Variants in COL19A1 observed in about 807,000 individuals in gnomAD.
The protein encoded by COL19A1 is collagen alpha-1(XIX) chain.
COL19A1 carries 159 observed loss-of-function variants against 190.2 expected under a neutral mutation model. The observed-to-expected ratio is 0.84, with a 90% confidence interval of 0.73 to 0.95. COL19A1 has a LOEUF of 0.95. Ranked by LOEUF, COL19A1 falls within the 40% of genes least tolerant of loss-of-function variation. The probability of loss-of-function intolerance (pLI) is 0.00; values close to 1 mark genes in which losing one functional copy is unlikely to be tolerated. For synonymous variants in COL19A1, 509 were observed against 458.9 expected (o/e 1.11, Z -1.39); for missense variants, 1,418 against 1,431.9 (o/e 0.99, Z 0.16).
At chr6:69,995,137 A>G (rs916786555) in intron 11 of COL19A1, among the ~76,000 whole-genome samples, 5 of 152,202 alleles carry the variant, frequency 3.3e-5, no homozygotes, top group African/African-American at 1.2e-4. Flanking sequence ...CAAGTTAAAC[A>G]AGGTGGGAGG....
intron 2 of COL19A1, among the ~76,000 whole-genome samples, chr6:69,882,505 A>G (rs1475901416): frequency 1.3e-5 from 2 of 152,224 alleles, no homozygotes; most frequent in South Asian, 2.1e-4. Context: ...AATATAGACT[A>G]TGTATCAAAT....
chr6:69,996,916 TTGTG>T lies in COL19A1; in HGVS notation c.1027-26691_1027-26688del, dbSNP rs200468204. On this transcript the variant is annotated intron_variant, in intron 11 of 50. Transcript: ENST00000620364. ...TACATAATCTCTCTCTCAAAAAGAC[TTGTG>T]TGTGTGTGTGTGTGTGTGTATATAT... Among the ~76,000 whole-genome samples, 1,179 of 146,084 alleles carry T rather than the reference TTGTG, an allele frequency of 8.1e-3. 20 individuals are homozygous for T. Among genetic ancestry groups the T allele is most frequent in the African/African-American group, 0.028 (1,097 of 39,686 alleles).
intron 18 of COL19A1, among the ~76,000 whole-genome samples, chr6:70,132,031 T>C (rs1785555554): frequency 6.6e-6 from 1 of 152,146 alleles, no homozygotes; most frequent in South Asian, 2.1e-4. Flanking sequence ...CTTGATGCAG[T>C]ACATGATATA....
intron 17 of COL19A1, among the ~76,000 whole-genome samples, chr6:70,126,999 A>G (rs376152286): frequency 6.6e-6 from 1 of 152,344 alleles, no homozygotes; most frequent in South Asian, 2.1e-4. Flanking sequence ...ATGATTAGAG[A>G]TTACTGGCTC....
chr6:70,106,014 GA>G (rs1166882638), intron 16 of COL19A1, among the ~76,000 whole-genome samples: 1 of 152,086 alleles, frequency 6.6e-6, no homozygotes, highest in East Asian at 1.9e-4. Context: ...CAGGAGGCAT[GA>G]TTTTTTTATT....
At chr6:70,141,390 A>T (rs773295508) in intron 20 of COL19A1, among the ~76,000 whole-genome samples, 5 of 152,138 alleles carry the variant, frequency 3.3e-5, no homozygotes, top group Non-Finnish European at 7.4e-5. Context: ...CAGAAAATTT[A>T]AAAAGCAAAC....
At chr6:70,043,587 C>T (rs1311473745) in intron 14 of COL19A1, among the ~76,000 whole-genome samples, 3 of 152,200 alleles carry the variant, frequency 2.0e-5, no homozygotes, top group Admixed American at 6.5e-5. Flanking sequence ...GGCATGAAAA[C>T]GACATTCGTC....
chr6:70,124,661 C>A (rs1339743531), intron 17 of COL19A1, among the ~76,000 whole-genome samples: 4 of 152,052 alleles, frequency 2.6e-5, no homozygotes, highest in African/African-American at 7.2e-5. Context: ...AAAAGAACCC[C>A]AGTTATTCTT....
intron 4 of COL19A1, among the ~76,000 whole-genome samples, chr6:69,921,130 A>T (rs1439188925): frequency 8.1e-6 from 1 of 123,142 alleles, no homozygotes; most frequent in African/African-American, 3.1e-5. Context: ...TCACATATGT[A>T]TCACATATAT....
chr6:69,960,977 G>A (rs1774764087), intron 10 of COL19A1, among the ~76,000 whole-genome samples: 2 of 152,272 alleles, frequency 1.3e-5, no homozygotes, highest in Admixed American at 6.5e-5. Flanking sequence ...TCTGTGACAA[G>A]CATTACTAAA....
chr6:69,910,280 A>T (rs1770824644), intron 4 of COL19A1, among the ~76,000 whole-genome samples: 1 of 152,182 alleles, frequency 6.6e-6, no homozygotes, highest in Non-Finnish European at 1.5e-5. Context: ...TATATGATTT[A>T]CAAAGTAATT....
intron 15 of COL19A1, among the ~76,000 whole-genome samples, chr6:70,083,377 G>A (rs1435326773): frequency 1.3e-5 from 2 of 151,664 alleles, no homozygotes; most frequent in African/African-American, 2.4e-5. Flanking sequence ...TATTTTTAAG[G>A]CATAATTTTT....
At chr6:70,143,000 A>C (rs1212664039) in intron 23 of COL19A1, among the ~76,000 whole-genome samples, 180 bp downstream of exon 23, 1 of 152,184 alleles carries the variant, frequency 6.6e-6, no homozygotes, top group Non-Finnish European at 1.5e-5. Context: ...TAGACCCTTC[A>C]TATAATCATG....
chr6:69,929,328 A>G (rs1054061877), intron 5 of COL19A1, 97 bp from the exon 6 acceptor site: 36 of 1,173,056 alleles, frequency 3.1e-5, no homozygotes, highest in Non-Finnish European at 4.3e-5. Flanking sequence ...TAAGTGCCTC[A>G]GTTATACTAA....
chr6:70,152,019 CTT>C (rs11302917), intron 31 of COL19A1, among the ~76,000 whole-genome samples: 66 of 147,944 alleles, frequency 4.5e-4, no homozygotes, highest in Middle Eastern at 3.4e-3. Context: ...CTTGCTACCT[CTT>C]TTTTTTTTTT....
intron 9 of COL19A1, among the ~76,000 whole-genome samples, chr6:69,959,450 T>A (rs1429414708): frequency 6.6e-6 from 1 of 152,070 alleles, no homozygotes; most frequent in African/African-American, 2.4e-5. Flanking sequence ...AAAGCCAGAA[T>A]TAAATCTTTT....
rs1187679501 is a variant in COL19A1, at chr6:69,881,375, T to C, written c.91+1717T>C. ...TTTGCTTTTAGTAACTTTTTAAAATTGTGATAAGAACACTTAACATGAAGT... is the reference window on the plus strand; with the variant it reads ...TTTGCTTTTAGTAACTTTTTAAAATCGTGATAAGAACACTTAACATGAAGT... On this transcript the variant is annotated intron_variant, in intron 2 of 50. Coordinates refer to ENST00000620364, the MANE Select transcript of COL19A1 (RefSeq NM_001858.6). Among the ~76,000 whole-genome samples the C allele has an allele frequency of 2.0e-5, 3 of 152,352 alleles. No individual in the cohort carries two copies. The East Asian group carries it at 5.8e-4, about 29-fold the overall frequency.
At chr6:70,203,535 C>T (rs1050983958) in intron 49 of COL19A1, among the ~76,000 whole-genome samples, 1 of 152,132 alleles carries the variant, frequency 6.6e-6, no homozygotes, top group Non-Finnish European at 1.5e-5. Flanking sequence ...GGCTAAACAA[C>T]TTGTAAGGCA....
Position 70,207,337 on chromosome 6 carries a change from C to T in COL19A1, c.*63C>T, listed in dbSNP as rs896189642. The stretch of plus-strand genomic sequence containing the variant: ...CTTGCCACTGGAGCTCTCTTAATAC[C>T]GTCAAACCCTCATCATCTGTGGGTT... On this transcript the variant is annotated 3_prime_UTR_variant, in exon 51 of 51. Coordinates refer to ENST00000620364, the MANE Select transcript of COL19A1 (RefSeq NM_001858.6). 64 of 1,359,220 alleles carry T rather than the reference C, an allele frequency of 4.7e-5. No homozygotes were observed. Among genetic ancestry groups the T allele is most frequent in the East Asian group, 1.5e-4 (6 of 40,054 alleles). The allele number at this position is 1,359,220 out of a possible 1,614,324, so 84.2% of individuals were successfully genotyped here.
Sources: allele counts gnomAD v4.1 joint callset (sites outside exome capture counted in the v4.1 genomes callset), GRCh38; gene constraint gnomAD v4.1.1; transcripts MANE v1.5; gene names NCBI Gene and HGNC (gene_info 2026-07-23, HGNC 2026-07-21).